Variants in HSF2BP observed in about 807,000 individuals in gnomAD.
HSF2BP encodes the protein heat shock transcription factor 2 binding protein, also known as heat shock factor 2-binding protein.
A neutral mutation model predicts 35.0 loss-of-function variants in HSF2BP; 35 were observed. The observed-to-expected ratio is 1.00, with a 90% CI of 0.76 to 1.32. HSF2BP has a LOEUF of 1.32. Ranked by LOEUF, HSF2BP falls within the 40% of genes most tolerant of loss-of-function variation. The pLI is 0.00. For synonymous variants in HSF2BP, 114 were observed against 117.4 expected (o/e 0.97, Z 0.18); for missense variants, 326 against 321.7 (o/e 1.01, Z -0.10).
intron 3 of HSF2BP, among the ~76,000 whole-genome samples, chr21:43,645,390 A>G (rs1049749922): frequency 1.3e-5 from 2 of 152,174 alleles, no homozygotes; most frequent in African/African-American, 4.8e-5. Flanking sequence ...TGGGACCCAC[A>G]CTTTGAGAAC....
At chr21:43,467,812 CCACA>C in the HSF2BP span, among the ~76,000 whole-genome samples, 2 of 102,330 alleles carry the variant, frequency 2.0e-5, no homozygotes, top group Non-Finnish European at 4.1e-5. Context: ...ACACAGCACA[CCACA>C]CACACACACC....
intron 3 of HSF2BP, among the ~76,000 whole-genome samples, chr21:43,655,601 G>A (rs1282055788): frequency 1.3e-5 from 2 of 152,130 alleles, no homozygotes; most frequent in Admixed American, 1.3e-4. Flanking sequence ...AGCAGGGAGG[G>A]AGCAGGAAGA....
intron 4 of HSF2BP, among the ~76,000 whole-genome samples, chr21:43,639,268 A>G (rs1445930681): frequency 6.6e-6 from 1 of 152,260 alleles, no homozygotes; most frequent in African/African-American, 2.4e-5. Flanking sequence ...CATAACAACA[A>G]GAAAACAGTC....
At chr21:43,593,873 G>A (rs2081955708) in intron 7 of HSF2BP, among the ~76,000 whole-genome samples, 1 of 151,902 alleles carries the variant, frequency 6.6e-6, no homozygotes, top group Admixed American at 6.6e-5. Context: ...CAGAAAGAAT[G>A]AAGGAAAAAA....
the HSF2BP span, among the ~76,000 whole-genome samples, chr21:43,467,846 TACAC>T: frequency 1.3e-4 from 3 of 22,550 alleles, no homozygotes; most frequent in East Asian, 1.2e-3. Context: ...ACACACCACA[TACAC>T]ACCACACACC....
At chr21:43,632,235 T>TCA (rs148478106) in intron 5 of HSF2BP, among the ~76,000 whole-genome samples, 74 of 32,348 alleles carry the variant, frequency 2.3e-3, no homozygotes, top group African/African-American at 7.2e-3. Flanking sequence ...ATACACAGGC[T>TCA]CACACACACA....
At chr21:43,622,252 G>A (rs140004559) in intron 6 of HSF2BP, among the ~76,000 whole-genome samples, 10 of 152,056 alleles carry the variant, frequency 6.6e-5, no homozygotes, top group African/African-American at 2.2e-4. Context: ...CAGTAAGAAA[G>A]CAAGAAAAAA....
At chr21:43,585,479 C>T (rs2081837397) in intron 8 of HSF2BP, among the ~76,000 whole-genome samples, 1 of 151,934 alleles carries the variant, frequency 6.6e-6, no homozygotes, top group Admixed American at 6.5e-5. Context: ...GATGGTGGCT[C>T]AAAACTGGGT....
chr21:43,594,734 G>A (rs181444410), intron 7 of HSF2BP, among the ~76,000 whole-genome samples: 39 of 151,978 alleles, frequency 2.6e-4, no homozygotes, highest in African/African-American at 8.7e-4. Flanking sequence ...AGGGAGACAG[G>A]GAGGGAGGAA....
chr21:43,604,914 CAA>C (rs549791218), intron 7 of HSF2BP, among the ~76,000 whole-genome samples: 77 of 101,794 alleles, frequency 7.6e-4, no homozygotes, highest in African/African-American at 2.1e-3. Context: ...ACACACACCA[CAA>C]AGACACATCA....
At chr21:43,615,779 G>A (rs1368509118) in intron 6 of HSF2BP, among the ~76,000 whole-genome samples, 1 of 152,136 alleles carries the variant, frequency 6.6e-6, no homozygotes, top group East Asian at 1.9e-4. Context: ...AACAAAGCAA[G>A]TAAGCATTTG....
At chr21:43,604,999 A>C in intron 7 of HSF2BP, among the ~76,000 whole-genome samples, 1 of 145,616 alleles carries the variant, frequency 6.9e-6, no homozygotes, top group African/African-American at 2.6e-5. Context: ...ATCACACCAC[A>C]CACATCAGAC....
chr21:43,633,501 G>C, intron 4 of HSF2BP, 80 bp from the exon 5 acceptor site: 5 of 1,190,782 alleles, frequency 4.2e-6, no homozygotes, highest in Non-Finnish European at 4.5e-6. Context: ...CTTTCACAAA[G>C]ATATTTATTA....
At chr21:43,607,110 G>A (rs752592382) in intron 7 of HSF2BP, among the ~76,000 whole-genome samples, 5 of 151,908 alleles carry the variant, frequency 3.3e-5, no homozygotes, top group African/African-American at 1.2e-4. Flanking sequence ...GCAACATGGC[G>A]AAACCCTGTC....
intron 5 of HSF2BP, among the ~76,000 whole-genome samples, chr21:43,631,320 C>T (rs2082453141): frequency 6.6e-6 from 1 of 152,154 alleles, no homozygotes; most frequent in African/African-American, 2.4e-5. Context: ...CTCCCAGAGT[C>T]AAACACCGAT....
At chr21:43,581,171 G>T (rs1187843247) in intron 8 of HSF2BP, among the ~76,000 whole-genome samples, 3 of 152,170 alleles carry the variant, frequency 2.0e-5, no homozygotes, top group Non-Finnish European at 4.4e-5. Context: ...CGGATCACGA[G>T]GTCAGGAGAT....
chr21:43,635,946 A>C (rs1255232269), intron 4 of HSF2BP, among the ~76,000 whole-genome samples: 3 of 151,002 alleles, frequency 2.0e-5, no homozygotes, highest in Non-Finnish European at 4.4e-5. Flanking sequence ...AAAAAAAAAA[A>C]ACAGAATCAT....
chr21:43,608,342 GA>G (rs1056002734), intron 7 of HSF2BP, among the ~76,000 whole-genome samples: 1 of 151,960 alleles, frequency 6.6e-6, no homozygotes, highest in Non-Finnish European at 1.5e-5. Context: ...AACGAAACAT[GA>G]AAAAATGCCC....
intron 2 of HSF2BP, 129 bp from the exon 3 acceptor site, chr21:43,656,866 T>C: frequency 1.4e-6 from 1 of 699,918 alleles, no homozygotes; most frequent in Non-Finnish European, 2.4e-6. Flanking sequence ...CTACCTACTG[T>C]ATATTCTGCT....
Sources: allele counts gnomAD v4.1 joint callset (sites outside exome capture counted in the v4.1 genomes callset), GRCh38; gene constraint gnomAD v4.1.1; transcripts MANE v1.5; gene names NCBI Gene and HGNC (gene_info 2026-07-23, HGNC 2026-07-21).